ZNF345: variants seen among roughly 807,000 people sequenced by gnomAD.
The protein encoded by ZNF345 is zinc finger protein HZF10.
For synonymous variants in ZNF345, 166 were observed against 187.9 expected, an observed-to-expected ratio of 0.88 and a Z score of 0.95; for missense variants, 527 against 589.9, an observed-to-expected ratio of 0.89 and a Z score of 1.10.
At chr19:36,891,475 TCTTA>T in intron 3 of ZNF345, 1 of 1,521,832 alleles carries the variant, frequency 6.6e-7, no homozygotes, top group Non-Finnish European at 8.8e-7. Context: ...AACAAAATGG[TCTTA>T]CTTTACTGTC....
chr19:36,853,245 C>CTTTTTTTTTTTTTTT, intron 2 of ZNF345, among the ~76,000 whole-genome samples: 1 of 106,534 alleles, frequency 9.4e-6, no homozygotes, highest in Admixed American at 9.7e-5. Flanking sequence ...TTCTTTCTTT[C>CTTTTTTTTTTTTTTT]TTTTTTTTTT....
intron 2 of ZNF345, 87 bp from the exon 3 acceptor site, chr19:36,876,698 G>A (rs2146202428): frequency 9.3e-6 from 8 of 857,934 alleles, no homozygotes; most frequent in East Asian, 8.1e-5. Flanking sequence ...AAATTAAATT[G>A]TAGTTAAGTC....
At position 36,877,453 on chromosome 19, in the gene ZNF345, G is replaced by T; in HGVS notation, c.623G>T (p.Gly208Val). ...AAACCTTATGAATGTATAGATTGTG[G>T]TAAAGCCTTTGGCAGTGGTTCAAAC... ...GEKPYECIDCGKAFGSGSNLT... is the reference protein window; with the variant it reads ...GEKPYECIDCVKAFGSGSNLT... The change falls in exon 3 of 3, where the codon GGT (glycine) becomes GTT (valine). Residue 208 changes from glycine (G) to valine (V), a missense_variant. By Grantham distance (109) the Gly-to-Val change is moderately radical. Transcript: ENST00000420450. 1 of 1,613,998 alleles carries T rather than the reference G, an allele frequency of 6.2e-7. No individual in the cohort carries two copies. Among genetic ancestry groups the T allele is most frequent in the Non-Finnish European group, 8.5e-7 (1 of 1,179,990 alleles).
At chr19:36,862,041 A>G (rs2072559038) in intron 2 of ZNF345, among the ~76,000 whole-genome samples, 1 of 150,466 alleles carries the variant, frequency 6.6e-6, no homozygotes, top group South Asian at 2.1e-4. Flanking sequence ...TTGTATTTTT[A>G]GTAGAGACGG....
chr19:36,882,584 T>A (rs1186834485), downstream of ZNF345, among the ~76,000 whole-genome samples: 1 of 152,178 alleles, frequency 6.6e-6, no homozygotes, highest in Non-Finnish European at 1.5e-5. Flanking sequence ...TTTTTAAAAA[T>A]TAACTTCTAG....
chr19:36,870,892 C>T (rs917103598), intron 2 of ZNF345, among the ~76,000 whole-genome samples: 1 of 152,090 alleles, frequency 6.6e-6, no homozygotes, highest in Non-Finnish European at 1.5e-5. Flanking sequence ...GCCCTTAATG[C>T]TACTTTTTAG....
In ZNF345 at chr19:36,878,429, A is replaced by C. The variant is rs139360979; in HGVS notation, c.*132A>C. 21 of 711,962 alleles carry C rather than the reference A, an allele frequency of 2.9e-5. No individual in the cohort carries two copies. Among genetic ancestry groups the C allele is most frequent in the Middle Eastern group, 8.8e-4 (2 of 2,260 alleles). 44.1% of individuals were successfully genotyped at this position (711,962 alleles called of 1,614,324 possible). ...CAGGTTAGTCAGTCTAAGAATATTT[A>C]TACAGGAAAAAAATCACCCCAAATA... is the stretch of plus-strand genomic sequence containing the variant. On this transcript the variant is annotated 3_prime_UTR_variant, in exon 3 of 3. Transcript: ENST00000420450.
At chr19:36,892,303 T>C in intron 3 of ZNF345, 1 of 1,613,848 alleles carries the variant, frequency 6.2e-7, no homozygotes, top group Non-Finnish European at 8.5e-7. Flanking sequence ...ATTAAAGGTC[T>C]TTCCACATAT....
rs761687960 is a variant in ZNF345, at chr19:36,877,492, G to C, written c.662G>C (p.Arg221Pro). 2 of 1,611,998 alleles carry C rather than the reference G, an allele frequency of 1.2e-6. No individual in the cohort carries two copies. Among genetic ancestry groups the C allele is most frequent in the Non-Finnish European group, 1.7e-6 (2 of 1,179,308 alleles). Residue 221 changes from arginine (R) to proline (P), a missense_variant, in exon 3 of 3, where the codon CGG (arginine) becomes CCG (proline). Transcript: ENST00000420450. ...AGTGGTTCAAACCTTACTCAACATC[G>C]GCGGATTCATACTGGTGAGAAACCT... ...FGSGSNLTQH[R>P]RIHTGEKPYE...
At chr19:36,862,035 A>G (rs1212835467) in intron 2 of ZNF345, among the ~76,000 whole-genome samples, 8 of 150,146 alleles carry the variant, frequency 5.3e-5, no homozygotes, top group Admixed American at 4.0e-4. Context: ...TAATTTTTGT[A>G]TTTTTAGTAG....
chr19:36,887,467 T>C (rs2073008916), intron 3 of ZNF345, among the ~76,000 whole-genome samples: 1 of 152,252 alleles, frequency 6.6e-6, no homozygotes, highest in Admixed American at 6.5e-5. Flanking sequence ...ATGGGAATTC[T>C]CTCTATTGCT....
Position 36,877,633 on chromosome 19 carries a change from G to A in ZNF345, c.803G>A (p.Ser268Asn). 1 of 1,614,112 alleles carries A rather than the reference G, an allele frequency of 6.2e-7. No individual in the cohort carries two copies. The highest frequency in any genetic ancestry group is 8.5e-7 in the Non-Finnish European group (1 of 1,180,034). ...TGTAATGAATGTGGTAAGGCCTTTA[G>A]TTTTGGATCAGCCCTTACTCGACAT... ...YICNECGKAF[S>N]FGSALTRHQR... The change falls in exon 3 of 3, where the codon AGT becomes AAT. Residue 268 changes from serine (S) to asparagine (N), a missense_variant. Coordinates refer to ENST00000420450, the MANE Select transcript of ZNF345 (RefSeq NM_001242472.2).
At chr19:36,874,466 T>G (rs1258488943) in intron 2 of ZNF345, among the ~76,000 whole-genome samples, 1 of 130,442 alleles carries the variant, frequency 7.7e-6, no homozygotes, top group African/African-American at 3.0e-5. Context: ...TGCACTCCAG[T>G]CTGGGTGACA....
chr19:36,855,579 A>C (rs1239025368), intron 2 of ZNF345, among the ~76,000 whole-genome samples: 4 of 149,256 alleles, frequency 2.7e-5, no homozygotes, highest in Non-Finnish European at 4.4e-5. Context: ...CAGCCTCCCG[A>C]GTAGCTGGGA....
At chr19:36,857,421 C>T (rs1346441952) in intron 2 of ZNF345, among the ~76,000 whole-genome samples, 1 of 152,080 alleles carries the variant, frequency 6.6e-6, no homozygotes, top group Non-Finnish European at 1.5e-5. Context: ...ATTCTCCTGC[C>T]TCAGCCTCCC....
At chr19:36,855,483 T>C (rs1472519647) in intron 2 of ZNF345, among the ~76,000 whole-genome samples, 1 of 136,702 alleles carries the variant, frequency 7.3e-6, no homozygotes, top group African/African-American at 2.8e-5. Flanking sequence ...AAACAGAGTT[T>C]CGATCTTGTT....
At chr19:36,870,258 T>C (rs2072746343) in intron 2 of ZNF345, among the ~76,000 whole-genome samples, 1 of 152,240 alleles carries the variant, frequency 6.6e-6, no homozygotes, top group South Asian at 2.1e-4. Context: ...TGTTTTCCAT[T>C]TAATTACTAT....
chr19:36,861,247 C>T (rs2072540800), intron 2 of ZNF345, among the ~76,000 whole-genome samples: 1 of 152,172 alleles, frequency 6.6e-6, no homozygotes, highest in African/African-American at 2.4e-5. Context: ...TTCCTAAATA[C>T]TGTCTTAGCT....
Position 36,877,506 on chromosome 19 carries a change from G to A in ZNF345, c.676G>A (p.Gly226Ser), listed in dbSNP as rs758839471. 6.2e-7 allele frequency: 1 copy of A among 1,614,182 alleles called. No individual in the cohort carries two copies. Among genetic ancestry groups the A allele is most frequent in the Non-Finnish European group, 8.5e-7 (1 of 1,180,030 alleles). ...NLTQHRRIHT[G>S]EKPYECKACG... ...TACTCAACATCGGCGGATTCATACT[G>A]GTGAGAAACCTTATGAATGCAAAGC... The change falls in exon 3 of 3, where the codon GGT becomes AGT. Residue 226 changes from glycine (G) to serine (S), a missense_variant. Coordinates refer to ENST00000420450, the MANE Select transcript of ZNF345 (RefSeq NM_001242472.2).
Sources: gnomAD v4.1 joint callset for allele counts (sites outside exome capture counted in the v4.1 genomes callset) on GRCh38, gnomAD v4.1.1 for gene constraint, MANE v1.5 for transcripts, NCBI Gene and HGNC (gene_info 2026-07-23, HGNC 2026-07-21) for gene names.